Variants in ADGRB3 observed in about 807,000 individuals in gnomAD.
ADGRB3 encodes the protein brain-specific angiogenesis inhibitor 3.
Under a neutral mutation model 193.4 loss-of-function variants are expected in ADGRB3, and 37 were observed. That is an observed-to-expected ratio of 0.19 (90% CI 0.15 to 0.25). The LOEUF (loss-of-function observed/expected upper bound fraction) is 0.25, where lower values mean the gene tolerates loss of function less well. ADGRB3 is among the 10% of genes least tolerant of loss of function. The probability of loss-of-function intolerance (pLI) is 1.00; values close to 1 mark genes in which losing one functional copy is unlikely to be tolerated. For synonymous variants in ADGRB3, 690 were observed against 644.2 expected, an observed-to-expected ratio of 1.07 and a Z score of -1.08; for missense variants, 1,637 against 1,852.9, an observed-to-expected ratio of 0.88 and a Z score of 2.14.
At chr6:68,820,494 G>C (rs1009834680) in intron 3 of ADGRB3, among the ~76,000 whole-genome samples, 2 of 152,024 alleles carry the variant, frequency 1.3e-5, no homozygotes, top group African/African-American at 2.4e-5. Flanking sequence ...TTTGTATTAA[G>C]GACATTCAAA....
At chr6:68,951,618 G>A (rs945880153) in intron 6 of ADGRB3, among the ~76,000 whole-genome samples, 1 of 152,190 alleles carries the variant, frequency 6.6e-6, no homozygotes, top group African/African-American at 2.4e-5. Flanking sequence ...CTCCAGGAGG[G>A]ATTGTGGAGT....
intron 8 of ADGRB3, among the ~76,000 whole-genome samples, chr6:68,971,503 A>T (rs1768567390): frequency 6.6e-6 from 1 of 152,224 alleles, no homozygotes; most frequent in Admixed American, 6.5e-5. Context: ...AAGTGGACCC[A>T]TGCAGCTCAA....
chr6:68,887,472 A>G (rs562571053), intron 3 of ADGRB3, among the ~76,000 whole-genome samples: 1 of 152,228 alleles, frequency 6.6e-6, no homozygotes, highest in African/African-American at 2.4e-5. Flanking sequence ...GGTCAAACTA[A>G]TTTCTTAAGT....
At chr6:69,363,579 C>T (rs1039284189) in intron 29 of ADGRB3, among the ~76,000 whole-genome samples, 14 of 151,974 alleles carry the variant, frequency 9.2e-5, no homozygotes, top group Non-Finnish European at 1.9e-4. Flanking sequence ...ATCTTTCTGT[C>T]CTGATCAATT....
chr6:68,693,030 A>G (rs1304618288), intron 3 of ADGRB3, among the ~76,000 whole-genome samples: 1 of 151,634 alleles, frequency 6.6e-6, no homozygotes, highest in Non-Finnish European at 1.5e-5. Context: ...ATGAAATACA[A>G]ATTATATTTT....
intron 17 of ADGRB3, among the ~76,000 whole-genome samples, chr6:69,197,881 G>T (rs1037463891): frequency 6.6e-6 from 1 of 151,946 alleles, no homozygotes; most frequent in African/African-American, 2.4e-5. Flanking sequence ...CTCCCTTTGT[G>T]CCTATCCACT....
At chr6:68,964,569 G>A (rs936823135) in intron 8 of ADGRB3, among the ~76,000 whole-genome samples, 1 of 152,120 alleles carries the variant, frequency 6.6e-6, no homozygotes, top group African/African-American at 2.4e-5. Flanking sequence ...GCAAAATGTT[G>A]AGCATACCCC....
At chr6:69,106,950 A>G (rs764588678) in intron 17 of ADGRB3, among the ~76,000 whole-genome samples, 2 of 152,212 alleles carry the variant, frequency 1.3e-5, no homozygotes, top group African/African-American at 4.8e-5. Flanking sequence ...AATGGAAGAA[A>G]TTTTGGACCA....
At chr6:69,165,982 T>C (rs1325484438) in intron 17 of ADGRB3, among the ~76,000 whole-genome samples, 1 of 152,118 alleles carries the variant, frequency 6.6e-6, no homozygotes, top group Non-Finnish European at 1.5e-5. Flanking sequence ...AATAGAAATA[T>C]TAACAAATTA....
In ADGRB3 at chr6:69,117,304, C is replaced by T. The variant is rs1773561518; in HGVS notation, c.2480+41266C>T. Among the ~76,000 whole-genome samples, 6 of 152,130 alleles carry T rather than the reference C, an allele frequency of 3.9e-5. No individual in the cohort carries two copies. In the South Asian group the frequency reaches 1.2e-3, roughly 31 times the overall value. On this transcript the variant is annotated intron_variant, in intron 17 of 31. Coordinates refer to ENST00000370598, the MANE Select transcript of ADGRB3 (RefSeq NM_001704.3). ...AGTTCTACAAGTTTTGTTAGGACTA[C>T]ATTACTTTCTGTTATATTGACATTC...
chr6:68,903,484 A>G (rs760067649), intron 3 of ADGRB3, among the ~76,000 whole-genome samples: 4 of 152,226 alleles, frequency 2.6e-5, no homozygotes, highest in Non-Finnish European at 4.4e-5. Flanking sequence ...AGATGAAAAC[A>G]TAAATGAACT....
chr6:68,748,848 G>A (rs1409008381), intron 3 of ADGRB3, among the ~76,000 whole-genome samples: 5 of 152,258 alleles, frequency 3.3e-5, no homozygotes, highest in South Asian at 4.1e-4. Flanking sequence ...GCATCCAGGC[G>A]TTTCCACACA....
chr6:69,186,451 C>A (rs1765070228), intron 17 of ADGRB3, among the ~76,000 whole-genome samples: 1 of 151,816 alleles, frequency 6.6e-6, no homozygotes, highest in South Asian at 2.1e-4. Context: ...CCCCACCCAG[C>A]ATCATTTATT....
chr6:69,188,331 G>T (rs564833279), intron 17 of ADGRB3, among the ~76,000 whole-genome samples: 51 of 151,888 alleles, frequency 3.4e-4, no homozygotes, highest in African/African-American at 1.2e-3. Flanking sequence ...TTTTGAAATG[G>T]AGTTTCACTC....
At position 68,772,885 on chromosome 6, in the gene ADGRB3, A is replaced by ACAAAC. The variant is rs757288740; in HGVS notation, c.757+133453_757+133454insCAAAC. Among the ~76,000 whole-genome samples, 111 of 42,888 alleles carry ACAAAC rather than the reference A, an allele frequency of 2.6e-3. 1 individual carries two copies. Among genetic ancestry groups the ACAAAC allele is most frequent in the African/African-American group, 0.01 (90 of 8,940 alleles). 28.1% of individuals were successfully genotyped at this position (42,888 alleles called of 152,430 possible). On this transcript the variant is annotated intron_variant, in intron 3 of 31. Transcript: ENST00000370598. ...AACAAACAAACAAACAAACAAACAA[A>ACAAAC]AAAAAAAAAATATATATATATATAT...
At position 69,011,015 on chromosome 6, in the gene ADGRB3, A is replaced by T. The variant is rs1769917636; in HGVS notation, c.1930-3023A>T. 3.3e-5 allele frequency among the ~76,000 whole-genome samples: 5 copies of T among 151,782 alleles called. No homozygotes were observed. In the South Asian group the frequency reaches 1.0e-3, roughly 31 times the overall value. Reference sequence around the variant, plus strand: ...CAATCATGCGGCCTGAAATGTCATGAGTCTCCTCTTCAAAGTGCTGTTCTG... The same window carrying T: ...CAATCATGCGGCCTGAAATGTCATGTGTCTCCTCTTCAAAGTGCTGTTCTG... On this transcript the variant is annotated intron_variant, in intron 11 of 31. Transcript: ENST00000370598.
At chr6:68,743,908 G>A (rs1766030586) in intron 3 of ADGRB3, among the ~76,000 whole-genome samples, 1 of 152,004 alleles carries the variant, frequency 6.6e-6, no homozygotes, top group Non-Finnish European at 1.5e-5. Flanking sequence ...ACTGCTGGTG[G>A]AAGTGAGAAT....
chr6:69,002,050 T>G (rs1769593943), intron 11 of ADGRB3, among the ~76,000 whole-genome samples: 1 of 152,146 alleles, frequency 6.6e-6, no homozygotes, highest in Non-Finnish European at 1.5e-5. Flanking sequence ...ATCCGCTAGG[T>G]TTAAGAAATT....
intron 8 of ADGRB3, among the ~76,000 whole-genome samples, chr6:68,957,265 A>G (rs1768102279): frequency 6.6e-6 from 1 of 152,202 alleles, no homozygotes; most frequent in African/African-American, 2.4e-5. Flanking sequence ...CTAATGAAAA[A>G]ATGAAAGTCC....
Sources: gnomAD v4.1 joint callset for allele counts (sites outside exome capture counted in the v4.1 genomes callset) on GRCh38, gnomAD v4.1.1 for gene constraint, MANE v1.5 for transcripts, NCBI Gene and HGNC (gene_info 2026-07-23, HGNC 2026-07-21) for gene names.